DLGAP2: variants seen among roughly 807,000 people sequenced by gnomAD.
DLGAP2 encodes disks large-associated protein 2.
A neutral mutation model predicts 100.3 loss-of-function variants in DLGAP2; 26 were observed. That is an observed-to-expected ratio of 0.26 (90% CI 0.19 to 0.36). The LOEUF is 0.36. Ranked by LOEUF, DLGAP2 falls within the 10% of genes least tolerant of loss-of-function variation. The pLI is 1.00. For missense variants in DLGAP2, 1,858 were observed against 1,453.2 expected (o/e 1.28, Z -4.53); for synonymous variants, 886 against 630.1 (o/e 1.41, Z -6.08).
Position 1,474,945 on chromosome 8 carries a change from G to T in DLGAP2, c.107-26421G>T, listed in dbSNP as rs145446829. Among the ~76,000 whole-genome samples the T allele has an allele frequency of 4.5e-3, 680 of 152,250 alleles. 3 individuals carry two copies. Among genetic ancestry groups the T allele is most frequent in the Middle Eastern group, 0.017 (5 of 294 alleles). On this transcript the variant is annotated intron_variant, in intron 3 of 14. Coordinates refer to ENST00000637795, the MANE Select transcript of DLGAP2 (RefSeq NM_001346810.2). Reference sequence around the variant, plus strand: ...CACATGCCCCCATACAGACATCACAGCACTATTCGCAACAGGAAAGACATG... The same window carrying T: ...CACATGCCCCCATACAGACATCACATCACTATTCGCAACAGGAAAGACATG...
chr8:1,280,635 C>T (rs1191341613), intron 3 of DLGAP2, among the ~76,000 whole-genome samples: 1 of 152,148 alleles, frequency 6.6e-6, no homozygotes, highest in Admixed American at 6.5e-5. Context: ...AATGGGAAGA[C>T]CCGCTGCCAC....
chr8:1,271,430 C>T (rs1233839329), intron 3 of DLGAP2, among the ~76,000 whole-genome samples: 1 of 152,146 alleles, frequency 6.6e-6, no homozygotes, highest in Admixed American at 6.6e-5. Flanking sequence ...ACTTTATGAA[C>T]CTCCTTGTGC....
At chr8:1,206,656 A>C (rs371472429) in intron 2 of DLGAP2, among the ~76,000 whole-genome samples, 44 of 138,152 alleles carry the variant, frequency 3.2e-4, no homozygotes, top group African/African-American at 1.2e-3. Flanking sequence ...CCATCCGTGG[A>C]CTGGGGTAGA....
intron 8 of DLGAP2, among the ~76,000 whole-genome samples, chr8:1,640,014 C>A (rs187175658): frequency 6.6e-6 from 1 of 152,184 alleles, no homozygotes; most frequent in Non-Finnish European, 1.5e-5. Context: ...GACTAGGATG[C>A]GGACATTTTT....
rs77164335 is a variant in DLGAP2 at position 779,312 on chromosome 8, A to G, written c.18+41487A>G. On this transcript the variant is annotated intron_variant, in intron 1 of 14. Coordinates refer to ENST00000637795, the MANE Select transcript of DLGAP2 (RefSeq NM_001346810.2). ...AAATCACCCGTCTTCTGCCTTGCTC[A>G]TGCTGGGAGCTGTAGACTGGAGCTG... Among the ~76,000 whole-genome samples, 96 of 152,220 alleles carry G rather than the reference A, an allele frequency of 6.3e-4. No individual in the cohort carries two copies. The East Asian group carries it at 0.018, about 28-fold the overall frequency.
intron 8 of DLGAP2, among the ~76,000 whole-genome samples, chr8:1,639,749 C>T (rs143037369): frequency 1.3e-5 from 2 of 152,322 alleles, no homozygotes; most frequent in East Asian, 1.9e-4. Context: ...CCGGGGAGCC[C>T]GCTCCTTGCC....
chr8:1,159,397 G>T (rs1460405967), intron 2 of DLGAP2, among the ~76,000 whole-genome samples: 1 of 152,202 alleles, frequency 6.6e-6, no homozygotes, highest in Non-Finnish European at 1.5e-5. Flanking sequence ...TATTCTGTGG[G>T]ATCAAAAATG....
chr8:1,178,057 G>A (rs947660889), intron 2 of DLGAP2, among the ~76,000 whole-genome samples: 1 of 152,212 alleles, frequency 6.6e-6, no homozygotes, highest in Admixed American at 6.5e-5. Flanking sequence ...GTGCCTCTCA[G>A]CTCATGGGAC....
chr8:800,955 C>G (rs977081291), intron 1 of DLGAP2, among the ~76,000 whole-genome samples: 1 of 152,030 alleles, frequency 6.6e-6, no homozygotes, highest in African/African-American at 2.4e-5. Flanking sequence ...TGTGCCCCCC[C>G]ACCCTTCCTG....
chr8:1,668,451 A>G lies in DLGAP2; in HGVS notation c.1933A>G (p.Ser645Gly). ...ATCCACCCAGGACGCCTACCAGGAC[A>G]GCCGCGCACAGAGGATGTCCCCGTG... Reference protein sequence around the residue: ...TESTQDAYQDSRAQRMSPWPQ... With the variant: ...TESTQDAYQDGRAQRMSPWPQ... The change falls in exon 9 of 15, where the codon AGC (serine) becomes GGC (glycine). Residue 645 changes from serine to glycine, a missense_variant. Ser to Gly is a moderately conservative substitution (Grantham distance 56, BLOSUM62 0). Transcript: ENST00000637795. 1 of 1,596,930 alleles carries G rather than the reference A, an allele frequency of 6.3e-7. No homozygotes were observed. The highest frequency in any genetic ancestry group is 1.7e-4 in the Middle Eastern group (1 of 6,044).
intron 2 of DLGAP2, among the ~76,000 whole-genome samples, chr8:1,223,323 C>T (rs1798353898): frequency 6.6e-6 from 1 of 152,130 alleles, no homozygotes; most frequent in South Asian, 2.1e-4. Flanking sequence ...ATGCCATGGG[C>T]TGGTCTCTGT....
intron 2 of DLGAP2, among the ~76,000 whole-genome samples, chr8:934,495 G>T (rs114659161): frequency 6.6e-6 from 1 of 152,276 alleles, no homozygotes; most frequent in South Asian, 2.1e-4. Flanking sequence ...CCACCTCTTC[G>T]ATTCTTGCCT....
intron 3 of DLGAP2, among the ~76,000 whole-genome samples, chr8:1,325,659 G>A (rs58756222): frequency 0.061 from 9,321 of 152,332 alleles, 348 homozygotes; most frequent in South Asian, 0.13. Flanking sequence ...GCCTCCAGCA[G>A]TGATTGGCGG....
intron 1 of DLGAP2, among the ~76,000 whole-genome samples, chr8:768,910 G>A (rs868431657): frequency 2.0e-5 from 3 of 152,274 alleles, no homozygotes; most frequent in South Asian, 2.1e-4. Context: ...GGCTGAGGAC[G>A]CTGGCCTCAC....
intron 3 of DLGAP2, among the ~76,000 whole-genome samples, chr8:1,341,371 A>G (rs1801412537): frequency 6.6e-6 from 1 of 152,260 alleles, no homozygotes; most frequent in South Asian, 2.1e-4. Context: ...TTTTTGCAGT[A>G]CATTTAATTT....
Position 1,112,538 on chromosome 8 carries a change from G to C in DLGAP2, c.74-146313G>C, listed in dbSNP as rs117928169. ...TGCAGGCGTGAGCCACCGCGCCCGG[G>C]CGTCCTTTGCCCACTTTTTAATAGG... On this transcript the variant is annotated intron_variant, in intron 2 of 14. Coordinates refer to ENST00000637795, the MANE Select transcript of DLGAP2 (RefSeq NM_001346810.2). Among the ~76,000 whole-genome samples, 1,194 of 152,062 alleles carry C rather than the reference G, an allele frequency of 7.9e-3. 14 individuals carry two copies. The highest frequency in any genetic ancestry group is 0.011 in the Non-Finnish European group (763 of 67,960).
intron 3 of DLGAP2, among the ~76,000 whole-genome samples, chr8:1,367,567 C>G (rs530675838): frequency 6.6e-6 from 1 of 152,232 alleles, no homozygotes; most frequent in Non-Finnish European, 1.5e-5. Context: ...CACCTCCCCT[C>G]TAGAGCTGCT....
chr8:1,307,752 G>A (rs1435311549), intron 3 of DLGAP2, among the ~76,000 whole-genome samples: 3 of 152,164 alleles, frequency 2.0e-5, no homozygotes, highest in African/African-American at 7.2e-5. Flanking sequence ...TCCACAAAAT[G>A]AAATTCGCCC....
At chr8:1,001,302 T>G (rs1326815123) in intron 2 of DLGAP2, among the ~76,000 whole-genome samples, 1 of 152,234 alleles carries the variant, frequency 6.6e-6, no homozygotes. Flanking sequence ...TGACATCATT[T>G]TATCGAGAAG....
Sources: gnomAD v4.1 joint callset for allele counts (sites outside exome capture counted in the v4.1 genomes callset) on GRCh38, gnomAD v4.1.1 for gene constraint, MANE v1.5 for transcripts, NCBI Gene and HGNC (gene_info 2026-07-23, HGNC 2026-07-21) for gene names.